Variants in RERE observed in about 807,000 individuals in gnomAD.
RERE encodes the protein arginine-glutamic acid dipeptide repeats protein.
Under a neutral mutation model 146.1 loss-of-function variants are expected in RERE, and 40 were observed. The observed-to-expected ratio is 0.27, with a 90% confidence interval of 0.21 to 0.36. The LOEUF (loss-of-function observed/expected upper bound fraction) is 0.36. RERE is among the 10% of genes least tolerant of loss of function. The pLI is 1.00. For missense variants in RERE, 1,933 were observed against 2,138.7 expected, an observed-to-expected ratio of 0.90 and a Z score of 1.90; for synonymous variants, 1,003 against 866.0, an observed-to-expected ratio of 1.16 and a Z score of -2.78.
intron 1 of RERE, among the ~76,000 whole-genome samples, chr1:8,793,954 T>C (rs530487018): frequency 5.9e-5 from 9 of 151,658 alleles, no homozygotes; most frequent in Admixed American, 1.3e-4. Flanking sequence ...TAGTCCCACC[T>C]ACTCAGGAGA....
At chr1:8,424,782 A>G (rs1643985870) in intron 11 of RERE, 1 of 152,488 alleles carries the variant, frequency 6.6e-6, no homozygotes, top group African/African-American at 2.4e-5. Flanking sequence ...AGAGGAAGCA[A>G]CTTACTCTGC....
intron 11 of RERE, among the ~76,000 whole-genome samples, chr1:8,428,172 A>T (rs185707644): frequency 6.6e-6 from 1 of 152,200 alleles, no homozygotes; most frequent in Non-Finnish European, 1.5e-5. Context: ...GGAAATATAG[A>T]AGGCAAGTCA....
intron 4 of RERE, among the ~76,000 whole-genome samples, chr1:8,575,561 A>ATATTT (rs1337650659): frequency 8.1e-5 from 8 of 98,670 alleles, no homozygotes; most frequent in Non-Finnish European, 1.1e-4. Context: ...ATATATATAT[A>ATATTT]TTTTTTTTTT....
intron 11 of RERE, chr1:8,428,582 TA>T (rs1570219390): frequency 6.6e-6 from 1 of 152,166 alleles, no homozygotes; most frequent in African/African-American, 2.4e-5. Context: ...CTTCTGGCTT[TA>T]AAAAAGTAAG....
intron 4 of RERE, among the ~76,000 whole-genome samples, chr1:8,585,346 C>T (rs973091019): frequency 3.3e-5 from 5 of 152,022 alleles, no homozygotes; most frequent in Admixed American, 2.6e-4. Flanking sequence ...TAATATTTCC[C>T]AGCTCTGTCC....
intron 6 of RERE, among the ~76,000 whole-genome samples, chr1:8,553,806 G>C (rs1645969702): frequency 6.6e-6 from 1 of 152,206 alleles, no homozygotes; most frequent in African/African-American, 2.4e-5. Flanking sequence ...AGAAACATCT[G>C]ATTGTAAACT....
At chr1:8,442,307 G>C (rs1242135077) in intron 11 of RERE, among the ~76,000 whole-genome samples, 2 of 151,694 alleles carry the variant, frequency 1.3e-5, no homozygotes, top group Non-Finnish European at 2.9e-5. Flanking sequence ...GCTGGAACCT[G>C]GGAAGCAGAC....
At chr1:8,767,420 G>C (rs1640868846) in intron 1 of RERE, among the ~76,000 whole-genome samples, 1 of 152,100 alleles carries the variant, frequency 6.6e-6, no homozygotes, top group African/African-American at 2.4e-5. Flanking sequence ...GGGCAACATG[G>C]TGAAATCTCA....
chr1:8,498,610 C>T (rs1257439267), intron 8 of RERE, among the ~76,000 whole-genome samples: 1 of 147,808 alleles, frequency 6.8e-6, no homozygotes, highest in East Asian at 2.0e-4. Flanking sequence ...GCAAGAGAAT[C>T]GCTTGAACCC....
intron 4 of RERE, among the ~76,000 whole-genome samples, chr1:8,563,154 G>A (rs1646098689): frequency 6.6e-6 from 1 of 152,188 alleles, no homozygotes; most frequent in African/African-American, 2.4e-5. Context: ...CTAACGTTGA[G>A]ATGGAAACTT....
chr1:8,525,755 C>A (rs748745466), intron 7 of RERE: 1 of 1,598,026 alleles, frequency 6.3e-7, no homozygotes, highest in East Asian at 2.3e-5. Flanking sequence ...GGAAGATAGC[C>A]TACCTGCAGG....
At chr1:8,593,048 T>C (rs1351921918) in intron 4 of RERE, among the ~76,000 whole-genome samples, 1 of 152,156 alleles carries the variant, frequency 6.6e-6, no homozygotes, top group African/African-American at 2.4e-5. Context: ...AACTGGGCTG[T>C]TTGTGGATCT....
intron 12 of RERE, among the ~76,000 whole-genome samples, chr1:8,385,596 C>T (rs1313329876): frequency 6.6e-6 from 1 of 152,010 alleles, no homozygotes; most frequent in East Asian, 1.9e-4. Context: ...CTCCTGGTGA[C>T]CAAACAAAAC....
intron 11 of RERE, among the ~76,000 whole-genome samples, chr1:8,442,703 G>C (rs1644265783): frequency 6.6e-6 from 1 of 152,196 alleles, no homozygotes; most frequent in Non-Finnish European, 1.5e-5. Flanking sequence ...AAGCAGCTTT[G>C]CAACGGGGTA....
At chr1:8,688,292 A>G (rs903866978) in intron 1 of RERE, among the ~76,000 whole-genome samples, 2 of 152,182 alleles carry the variant, frequency 1.3e-5, no homozygotes, top group Non-Finnish European at 2.9e-5. Flanking sequence ...AAGGCCAGGC[A>G]TGGTGGCTCA....
At chr1:8,725,746 A>G (rs913986164) in intron 1 of RERE, among the ~76,000 whole-genome samples, 1 of 152,132 alleles carries the variant, frequency 6.6e-6, no homozygotes. Context: ...TTGATGAATT[A>G]TATGTAAGAT....
intron 11 of RERE, among the ~76,000 whole-genome samples, chr1:8,432,566 T>C (rs1243785646): frequency 6.6e-6 from 1 of 152,250 alleles, no homozygotes; most frequent in Admixed American, 6.5e-5. Flanking sequence ...TTCCTGTTTA[T>C]GACTAGAATT....
intron 7 of RERE, among the ~76,000 whole-genome samples, chr1:8,518,308 C>T (rs1645447925): frequency 6.6e-6 from 1 of 152,148 alleles, no homozygotes. Flanking sequence ...TAGCCTGTGG[C>T]CCATTCCCAA....
At chr1:8,795,994 A>AC (rs1286659870) in intron 1 of RERE, among the ~76,000 whole-genome samples, 29 of 145,598 alleles carry the variant, frequency 2.0e-4, no homozygotes, top group East Asian at 6.1e-4. Flanking sequence ...AAAAAAAAAA[A>AC]AAAACAAAAC....
Sources: gnomAD v4.1 joint callset for allele counts (sites outside exome capture counted in the v4.1 genomes callset) on GRCh38, gnomAD v4.1.1 for gene constraint, MANE v1.5 for transcripts, NCBI Gene and HGNC (gene_info 2026-07-23, HGNC 2026-07-21) for gene names.